Variants in AGAP1 observed in about 807,000 individuals in gnomAD.
AGAP1 encodes arf-GAP with GTPase, ANK repeat and PH domain-containing protein 1.
In AGAP1, 29 loss-of-function variants were observed where a neutral mutation model predicts 105.3. The ratio of observed to expected loss-of-function variants is 0.28; its 90% confidence interval spans 0.21 to 0.38. The LOEUF (loss-of-function observed/expected upper bound fraction) is 0.38. AGAP1 is among the 10% of genes least tolerant of loss of function. The pLI, the probability that AGAP1 is intolerant of heterozygous loss-of-function variation, is 1.00. For missense variants in AGAP1, 998 were observed against 1,165.1 expected, an observed-to-expected ratio of 0.86 and a Z score of 2.09; for synonymous variants, 509 against 485.9, an observed-to-expected ratio of 1.05 and a Z score of -0.63.
chr2:235,513,731 C>T (rs1942254439), intron 1 of AGAP1, among the ~76,000 whole-genome samples: 1 of 151,994 alleles, frequency 6.6e-6, no homozygotes, highest in African/African-American at 2.4e-5. Context: ...AGTGGGTGAA[C>T]CAAATCCTGG....
intron 2 of AGAP1, among the ~76,000 whole-genome samples, chr2:235,717,277 A>C (rs756393479): frequency 1.3e-5 from 2 of 152,150 alleles, no homozygotes; most frequent in Non-Finnish European, 2.9e-5. Context: ...TGATGTAAAC[A>C]ATGTGCTTGT....
intron 6 of AGAP1, among the ~76,000 whole-genome samples, chr2:235,756,222 C>T (rs777544899): frequency 6.6e-6 from 1 of 152,144 alleles, no homozygotes; most frequent in East Asian, 1.9e-4. Context: ...TTCTCTGCTG[C>T]GGGTGGCGGT....
intron 1 of AGAP1, among the ~76,000 whole-genome samples, chr2:235,686,663 A>ATTTTT (rs1203340603): frequency 3.0e-4 from 18 of 59,738 alleles, no homozygotes; most frequent in East Asian, 1.9e-3. Context: ...ATATATATAT[A>ATTTTT]TATTTTTTTT....
In AGAP1 at chr2:235,769,995, T is replaced by G. The variant is rs1955293863; in HGVS notation, c.673+19507T>G. On this transcript the variant is annotated intron_variant, in intron 6 of 17. Transcript: ENST00000304032. This position sits in a 1 kb window ranked among gnomAD's most constrained non-coding sequence, Gnocchi z 4.4. ...CTCATATCTTCTGAATACACACATT[T>G]AAACATGTTTTTGTGATTAAAATAA... Among the ~76,000 whole-genome samples the G allele has an allele frequency of 6.6e-6, 1 of 152,274 alleles. No individual in the cohort carries two copies. The highest frequency in any genetic ancestry group is 2.1e-4 in the South Asian group (1 of 4,836).
Position 235,689,120 on chromosome 2 carries a change from C to T in AGAP1, c.164-20059C>T, listed in dbSNP as rs1255501165. Among the ~76,000 whole-genome samples, 1 of 152,202 alleles carries T rather than the reference C, an allele frequency of 6.6e-6. No homozygotes were observed. The highest frequency in any genetic ancestry group is 1.5e-5 in the Non-Finnish European group (1 of 68,048). On this transcript the variant is annotated intron_variant, in intron 1 of 17. Transcript: ENST00000304032. The surrounding 1 kb of genome is among the most constrained non-coding windows in gnomAD (Gnocchi z 4.2). ...ATTTATAGAGCAATGAAGAAATAAG[C>T]CCAAGGCTATCCCATGAGTTAGGGG...
intron 2 of AGAP1, 54 bp downstream of exon 2, chr2:235,709,291 C>T: frequency 6.3e-7 from 1 of 1,576,802 alleles, no homozygotes; most frequent in Non-Finnish European, 8.7e-7. Flanking sequence ...GCTCTGTGCA[C>T]ACCCAAGCCT....
In AGAP1 at chr2:235,882,292, G is replaced by A; in HGVS notation, c.1051-1053G>A. The A allele has an allele frequency of 1.6e-6, 1 of 612,648 alleles. No individual in the cohort carries two copies. The highest frequency in any genetic ancestry group is 3.5e-5 in the East Asian group (1 of 28,336). The allele number at this position is 612,648 out of a possible 1,614,324, so 38.0% of individuals were successfully genotyped here. A position where few individuals can be genotyped will look rare whatever the true frequency, so the allele number is the denominator to read the frequency against. On this transcript the variant is annotated intron_variant, in intron 9 of 17. Coordinates refer to ENST00000304032, the MANE Select transcript of AGAP1 (RefSeq NM_001037131.3). The surrounding 1 kb of genome is among the most constrained non-coding windows in gnomAD (Gnocchi z 4.6). ...GCAGCTTGTGGCTCGTGTCCATCTT[G>A]CAGGTCGCTCTTCCTCCACATCACA...
Position 235,744,628 on chromosome 2 carries a change from G to A in AGAP1, c.397-70G>A. The A allele has an allele frequency of 6.3e-7, 1 of 1,589,844 alleles. No homozygotes were observed. The highest frequency in any genetic ancestry group is 8.6e-7 in the Non-Finnish European group (1 of 1,161,684). ...GCAGCCCCCTGCTGCCTGCCGCCAT[G>A]CAGACATCTCTGTTCTTAATCAAGC... On this transcript the variant is annotated intron_variant, in intron 4 of 17. Coordinates refer to ENST00000304032, the MANE Select transcript of AGAP1 (RefSeq NM_001037131.3). The surrounding 1 kb of genome is among the most constrained non-coding windows in gnomAD (Gnocchi z 5.2).
chr2:235,837,206 A>G (rs1369703405), intron 9 of AGAP1, among the ~76,000 whole-genome samples: 1 of 152,144 alleles, frequency 6.6e-6, no homozygotes, highest in Non-Finnish European at 1.5e-5. Context: ...GCTGGTCTTG[A>G]ACTCCTGACC....
At chr2:235,853,069 A>G in intron 9 of AGAP1, 2 of 1,235,992 alleles carry the variant, frequency 1.6e-6, no homozygotes, top group East Asian at 6.3e-5. Context: ...CAGTCCACAA[A>G]GGAAGGAAAT....
At chr2:236,110,061 C>T (rs1328574250) in intron 16 of AGAP1, among the ~76,000 whole-genome samples, 1 of 152,214 alleles carries the variant, frequency 6.6e-6, no homozygotes. Context: ...CAGACAGTGC[C>T]AGGGCAGCCA....
intron 1 of AGAP1, among the ~76,000 whole-genome samples, chr2:235,656,633 C>G (rs955493749): frequency 6.6e-6 from 1 of 152,140 alleles, no homozygotes; most frequent in Non-Finnish European, 1.5e-5. Context: ...CGGTCTAACC[C>G]TAGCCAACAG....
rs1204886360 is a variant in AGAP1 at position 235,709,087 on chromosome 2, AC to A, written c.164-90del. On this transcript the variant is annotated intron_variant, in intron 1 of 17. Transcript: ENST00000304032. ...AGGCTTGTCTGCACCATCTTCAGTG[AC>A]CTTCGGATGTGAAAATGGCCCATTG... is the stretch of plus-strand genomic sequence containing the variant. The A allele has an allele frequency of 6.3e-6, 8 of 1,260,130 alleles. No individual in the cohort carries two copies. In the African/African-American group the frequency reaches 7.4e-5, roughly 12 times the overall value. The allele number at this position is 1,260,130 out of a possible 1,614,324, so 78.1% of individuals were successfully genotyped here. A position where few individuals can be genotyped will look rare whatever the true frequency, so the allele number is the denominator to read the frequency against.
chr2:235,501,041 G>C (rs964202169), intron 1 of AGAP1, among the ~76,000 whole-genome samples: 4 of 152,182 alleles, frequency 2.6e-5, no homozygotes, highest in Non-Finnish European at 5.9e-5. Context: ...GACAGGCTGG[G>C]GGTTTAGATG....
intron 1 of AGAP1, among the ~76,000 whole-genome samples, chr2:235,671,697 G>C (rs925909090): frequency 1.3e-5 from 2 of 152,198 alleles, no homozygotes; most frequent in African/African-American, 4.8e-5. Context: ...TCTGGGACTG[G>C]ATTCTGTTTC....
Position 235,569,361 on chromosome 2 carries a change from C to T in AGAP1, c.163+74512C>T, listed in dbSNP as rs1367597178. Among the ~76,000 whole-genome samples the T allele has an allele frequency of 6.6e-6, 1 of 152,180 alleles. No individual in the cohort carries two copies. The highest frequency in any genetic ancestry group is 1.5e-5 in the Non-Finnish European group (1 of 68,044). On this transcript the variant is annotated intron_variant, in intron 1 of 17. Transcript: ENST00000304032. The surrounding 1 kb of genome is among the most constrained non-coding windows in gnomAD (Gnocchi z 5.9). ...AGTACATGACCCCGAGTGGGTGCCTCTCCTGGCCAGGTGTCCCCTTGTGTA... is the reference window on the plus strand; with the variant it reads ...AGTACATGACCCCGAGTGGGTGCCTTTCCTGGCCAGGTGTCCCCTTGTGTA...
chr2:235,932,608 G>T (rs1387749667), intron 12 of AGAP1, among the ~76,000 whole-genome samples: 4 of 152,186 alleles, frequency 2.6e-5, no homozygotes, highest in Non-Finnish European at 5.9e-5. Context: ...TTACCAAGCA[G>T]CCTCTGCTGA....
chr2:235,728,326 T>TGTGTGTGTGTGTGTGTGTGTGCGC lies in AGAP1; in HGVS notation c.310+10683_310+10684insTGTGTGTGTGTGTGTGTGTGCGCG, dbSNP rs986896995. ...CTGTGTGTGTGTGTGTGTGTGTGTG[T>TGTGTGTGTGTGTGTGTGTGTGCGC]GCGTGCTCTTAAATCAATGTAAATT... On this transcript the variant is annotated intron_variant, in intron 3 of 17. Transcript: ENST00000304032. This position sits in a 1 kb window ranked among gnomAD's most constrained non-coding sequence, Gnocchi z 4.3. Among the ~76,000 whole-genome samples, 8 of 151,628 alleles carry TGTGTGTGTGTGTGTGTGTGTGCGC rather than the reference T, an allele frequency of 5.3e-5. No homozygotes were observed. Among genetic ancestry groups the TGTGTGTGTGTGTGTGTGTGTGCGC allele is most frequent in the African/African-American group, 1.9e-4 (8 of 41,084 alleles).
rs764377293 is a variant in AGAP1 at position 236,025,300 on chromosome 2, G to A, written c.1646-11261G>A. Among the ~76,000 whole-genome samples the A allele has an allele frequency of 4.6e-5, 7 of 152,194 alleles. 1 individual carries two copies. In the South Asian group the frequency reaches 8.3e-4, roughly 18 times the overall value. ...AGGGTGGCAGTGGAGAGTAATGCTC[G>A]GCTCTGTCTCTGACTGATGGGCCTC... is the stretch of plus-strand genomic sequence containing the variant. On this transcript the variant is annotated intron_variant, in intron 13 of 17. Coordinates refer to ENST00000304032, the MANE Select transcript of AGAP1 (RefSeq NM_001037131.3).
Sources: gnomAD v4.1 joint callset for allele counts (sites outside exome capture counted in the v4.1 genomes callset) on GRCh38, gnomAD v4.1.1 for gene constraint, Gnocchi (gnomAD v3.1) non-coding constraint, MANE v1.5 for transcripts, NCBI Gene and HGNC (gene_info 2026-07-23, HGNC 2026-07-21) for gene names.